PTPRU: variants seen among roughly 807,000 people sequenced by gnomAD.
The protein encoded by PTPRU is receptor-type tyrosine-protein phosphatase U.
A neutral mutation model predicts 166.3 loss-of-function variants in PTPRU; 69 were observed. The observed-to-expected ratio is 0.41, with a 90% CI of 0.34 to 0.51. The LOEUF is 0.51. PTPRU is among the 20% of genes least tolerant of loss of function. PTPRU has a pLI of 0.09. For missense variants in PTPRU, 1,657 were observed against 2,013.7 expected (o/e 0.82, Z 3.39); for synonymous variants, 793 against 814.0 (o/e 0.97, Z 0.44).
At position 29,260,278 on chromosome 1, in the gene PTPRU, A is replaced by C; in HGVS notation, c.850+234A>C. On this transcript the variant is annotated intron_variant, in intron 6 of 29. Transcript: ENST00000373779. The surrounding 1 kb of genome is among the most constrained non-coding windows in gnomAD (Gnocchi z 8.3). The stretch of plus-strand genomic sequence containing the variant: ...ACGGACAGGGTCAAGGTGAGAGCCT[A>C]AAGAGGGGTGGGGTTCTGGCTGTGT... 1 of 504,718 alleles carries C rather than the reference A, an allele frequency of 2.0e-6. No individual in the cohort carries two copies. The allele number at this position is 504,718 out of a possible 1,614,324, so 31.3% of individuals were successfully genotyped here.
At chr1:29,314,824 C>T (rs1479149312) in intron 22 of PTPRU, among the ~76,000 whole-genome samples, 1 of 152,140 alleles carries the variant, frequency 6.6e-6, no homozygotes, top group Non-Finnish European at 1.5e-5. Flanking sequence ...AGTGATCCAC[C>T]CACTTCGGCC....
chr1:29,267,093 G>A (rs1249166723), intron 7 of PTPRU, among the ~76,000 whole-genome samples: 1 of 152,144 alleles, frequency 6.6e-6, no homozygotes, highest in Non-Finnish European at 1.5e-5. Context: ...AGCTGAATGT[G>A]GTGGCATGTG....
chr1:29,259,391 G>A (rs1003916676), intron 4 of PTPRU, 49 bp downstream of exon 4: 1 of 1,608,964 alleles, frequency 6.2e-7, no homozygotes, highest in Admixed American at 1.7e-5. Flanking sequence ...GTGGGCGGCC[G>A]CGGCTCCTGC....
chr1:29,319,933 C>T (rs1055679983), intron 25 of PTPRU, among the ~76,000 whole-genome samples: 1 of 152,164 alleles, frequency 6.6e-6, no homozygotes, highest in Non-Finnish European at 1.5e-5. Context: ...GCCAGCCCCC[C>T]TGGCAGGACG....
chr1:29,295,923 T>C (rs903914683), intron 15 of PTPRU, among the ~76,000 whole-genome samples: 13 of 152,120 alleles, frequency 8.5e-5, no homozygotes, highest in Admixed American at 5.2e-4. Flanking sequence ...ACTCCTGACC[T>C]CAGGTGATCC....
At chr1:29,264,575 G>C (rs924970945) in intron 7 of PTPRU, among the ~76,000 whole-genome samples, 1 of 150,974 alleles carries the variant, frequency 6.6e-6, no homozygotes, top group African/African-American at 2.4e-5. Context: ...GCGCAATCTC[G>C]GCTCACTGCA....
intron 8 of PTPRU, among the ~76,000 whole-genome samples, chr1:29,278,806 C>T (rs1685928023): frequency 1.3e-5 from 2 of 152,228 alleles, no homozygotes; most frequent in South Asian, 4.1e-4. Context: ...CTGATGTTTG[C>T]CTTGGGGCTT....
Position 29,291,727 on chromosome 1 carries a change from G to A in PTPRU, c.2319-142G>A. On this transcript the variant is annotated intron_variant, in intron 14 of 29. Transcript: ENST00000373779. This position sits in a 1 kb window ranked among gnomAD's most constrained non-coding sequence, Gnocchi z 4.1. ...CTAATGAGTGAAGGATGGGGGCAGA[G>A]CCCTCAGCATCCAGAGATGCTTCTA... The A allele has an allele frequency of 1.2e-6, 1 of 866,142 alleles. No individual in the cohort carries two copies. Among genetic ancestry groups the A allele is most frequent in the Non-Finnish European group, 1.8e-6 (1 of 560,050 alleles). 53.7% of individuals were successfully genotyped at this position (866,142 alleles called of 1,614,324 possible). A position where few individuals can be genotyped will look rare whatever the true frequency, so the allele number is the denominator to read the frequency against.
Position 29,238,246 on chromosome 1 carries a change from TG to T in PTPRU, c.73+1531del, listed in dbSNP as rs946213390. Among the ~76,000 whole-genome samples, 1 of 152,092 alleles carries T rather than the reference TG, an allele frequency of 6.6e-6. No individual in the cohort carries two copies. The highest frequency in any genetic ancestry group is 1.5e-5 in the Non-Finnish European group (1 of 68,012). ...GTGTGTCCGTGTGCTCGTCGGAGTGTGGACGGTGTGTCGGATGTGTGTGCGT... is the reference window on the plus strand; with the variant it reads ...GTGTGTCCGTGTGCTCGTCGGAGTGTGACGGTGTGTCGGATGTGTGTGCGT... On this transcript the variant is annotated intron_variant, in intron 1 of 29. Coordinates refer to ENST00000373779, the MANE Select transcript of PTPRU (RefSeq NM_133178.4). This position sits in a 1 kb window ranked among gnomAD's most constrained non-coding sequence, Gnocchi z 6.1.
rs772848450 is a variant in PTPRU at position 29,236,665 on chromosome 1, C to G, written c.21C>G (p.Leu7=). The change falls in exon 1 of 30, where the codon CTC becomes CTG. Residue 7 remains leucine (L), a synonymous_variant. Coordinates refer to ENST00000373779, the MANE Select transcript of PTPRU (RefSeq NM_133178.4). The surrounding 1 kb of genome is among the most constrained non-coding windows in gnomAD (Gnocchi z 4.6). MARAQA[L]VLALTFQLCA... is the part of the protein sequence containing the mutation. ...CAACCATGGCCCGTGCCCAGGCGCT[C>G]GTGCTGGCACTCACCTTCCAGCTCT... The G allele has an allele frequency of 2.8e-6, 4 of 1,430,396 alleles. No homozygotes were observed. The Admixed American group carries it at 7.8e-5, about 28-fold the overall frequency. The allele number at this position is 1,430,396 out of a possible 1,614,324, so 88.6% of individuals were successfully genotyped here.
chr1:29,259,553 T>A lies in PTPRU; in HGVS notation c.664T>A (p.Phe222Ile). The A allele has an allele frequency of 6.3e-7, 1 of 1,588,674 alleles. No individual in the cohort carries two copies. ...GGGCAGAGCGGCCGAGGCCGAACGCTTCCTCTTGCAAGTGAGCGGGAGCGG... is the reference window on the plus strand; with the variant it reads ...GGGCAGAGCGGCCGAGGCCGAACGCATCCTCTTGCAAGTGAGCGGGAGCGG... ...AAGRAAEAER[F>I]LLQRQSGALV... The change falls in exon 5 of 30, where the codon TTC becomes ATC. Residue 222 changes from phenylalanine to isoleucine, a missense_variant. By Grantham distance (21) the Phe-to-Ile change is conservative. Around this residue, in one of 3 missense-constraint regions of PTPRU, gnomAD observed 453 missense variants for 496.9 expected, o/e 0.91. Transcript: ENST00000373779.
chr1:29,322,303 C>G (rs960493364), intron 26 of PTPRU, among the ~76,000 whole-genome samples: 1 of 152,304 alleles, frequency 6.6e-6, no homozygotes, highest in African/African-American at 2.4e-5. Context: ...GGAGAAGAGA[C>G]ACAGCCCCTC....
intron 18 of PTPRU, among the ~76,000 whole-genome samples, chr1:29,308,230 C>T (rs924984544): frequency 2.0e-5 from 3 of 151,726 alleles, no homozygotes; most frequent in Non-Finnish European, 4.4e-5. Context: ...CTACCTCAGC[C>T]TCCTGAGTAG....
In PTPRU at chr1:29,310,736, T is replaced by G. The variant is rs1687616209; in HGVS notation, c.2821-8T>G. The stretch of plus-strand genomic sequence containing the variant: ...GGGGTCTAACCGTGCCCTCTCCTCC[T>G]GTTCCAGGGTTACCACAGGTCAAAC... On this transcript the variant is annotated splice_polypyrimidine_tract_variant and splice_region_variant and intron_variant, in intron 18 of 29. Coordinates refer to ENST00000373779, the MANE Select transcript of PTPRU (RefSeq NM_133178.4). The G allele has an allele frequency of 1.2e-6, 2 of 1,613,596 alleles. No homozygotes were observed. The highest frequency in any genetic ancestry group is 1.7e-6 in the Non-Finnish European group (2 of 1,179,524).
At chr1:29,319,094 T>G (rs1482975393) in intron 25 of PTPRU, among the ~76,000 whole-genome samples, 1 of 152,126 alleles carries the variant, frequency 6.6e-6, no homozygotes, top group Non-Finnish European at 1.5e-5. Flanking sequence ...ATGAGAGATG[T>G]GAGGGGCCCA....
Position 29,279,626 on chromosome 1 carries a change from G to A in PTPRU, c.1734G>A (p.Ala578=), listed in dbSNP as rs750023335. ...GCACAGGCAAAGGCTTCGGCCAGGC[G>A]GCACTCACTGAGATAACCACTAACA... The part of the protein sequence containing the change: ...RARTGKGFGQ[A]ALTEITTNIS... The change falls in exon 10 of 30, where the codon GCG becomes GCA. Residue 578 remains alanine, a synonymous_variant. Coordinates refer to ENST00000373779, the MANE Select transcript of PTPRU (RefSeq NM_133178.4). The surrounding 1 kb of genome is among the most constrained non-coding windows in gnomAD (Gnocchi z 5.2). The A allele has an allele frequency of 6.2e-6, 10 of 1,612,870 alleles. No homozygotes were observed. The highest frequency in any genetic ancestry group is 1.7e-5 in the Admixed American group (1 of 60,000).
rs1176891448 is a variant in PTPRU, at chr1:29,271,524, CA to C, written c.1145-3923del. On this transcript the variant is annotated intron_variant, in intron 7 of 29. Coordinates refer to ENST00000373779, the MANE Select transcript of PTPRU (RefSeq NM_133178.4). This position sits in a 1 kb window ranked among gnomAD's most constrained non-coding sequence, Gnocchi z 4.4. ...TGCCTAAGTCTGAAGTTGGGAGTTTCATCCTCCAAAGTTGCTATCTTGGGCC... is the reference window on the plus strand; with the variant it reads ...TGCCTAAGTCTGAAGTTGGGAGTTTCTCCTCCAAAGTTGCTATCTTGGGCC... Among the ~76,000 whole-genome samples the C allele has an allele frequency of 6.6e-6, 1 of 152,176 alleles. No homozygotes were observed. The highest frequency in any genetic ancestry group is 1.5e-5 in the Non-Finnish European group (1 of 68,038).
At chr1:29,289,424 G>A (rs865855971) in intron 14 of PTPRU, among the ~76,000 whole-genome samples, 4 of 152,018 alleles carry the variant, frequency 2.6e-5, no homozygotes, top group African/African-American at 4.8e-5. Flanking sequence ...AAAGCTCTGC[G>A]GCCCCCTAGG....
At position 29,280,027 on chromosome 1, in the gene PTPRU, C is replaced by G; in HGVS notation, c.1766-12C>G. 6.2e-7 allele frequency: 1 copy of G among 1,608,002 alleles called. No individual in the cohort carries two copies. The highest frequency in any genetic ancestry group is 8.5e-7 in the Non-Finnish European group (1 of 1,174,862). ...GCCAAGCTCCAGCTTGTGACCCTGT[C>G]CCCTTCTCCAGCTCCCAGCTTTGAT... On this transcript the variant is annotated splice_polypyrimidine_tract_variant and intron_variant, in intron 10 of 29. Transcript: ENST00000373779. This position sits in a 1 kb window ranked among gnomAD's most constrained non-coding sequence, Gnocchi z 4.2.
Sources: gnomAD v4.1 joint callset for allele counts (sites outside exome capture counted in the v4.1 genomes callset) on GRCh38, gnomAD v4.1.1 for gene constraint, gnomAD v4.1.1 regional missense constraint, Gnocchi (gnomAD v3.1) non-coding constraint, MANE v1.5 for transcripts, NCBI Gene and HGNC (gene_info 2026-07-23, HGNC 2026-07-21) for gene names.